The following BICDL1 variants were observed in gnomAD, a reference collection of about 807,000 sequenced individuals.
BICDL1 encodes BICD family like cargo adaptor 1.
A neutral mutation model predicts 76.8 loss-of-function variants in BICDL1; 20 were observed. That is an observed-to-expected ratio of 0.26 (90% CI 0.18 to 0.38). The LOEUF is 0.38. Ranked by LOEUF, BICDL1 falls within the 10% of genes least tolerant of loss-of-function variation. The pLI is 1.00. For missense variants in BICDL1, 700 were observed against 798.6 expected (o/e 0.88, Z 1.49); for synonymous variants, 383 against 337.1 (o/e 1.14, Z -1.49).
intron 4 of BICDL1, among the ~76,000 whole-genome samples, chr12:120,069,903 A>G (rs1332783876): frequency 2.0e-5 from 3 of 151,898 alleles, no homozygotes; most frequent in Admixed American, 2.0e-4. Context: ...CGTTTTATAG[A>G]CTCATGTATA....
In BICDL1 at chr12:120,057,818, CTTTTTTTTTTTTTTTTT is replaced by C. The variant is rs143777152; in HGVS notation, c.646-3878_646-3862del. ...TGCAAAAGGAGGCCAGCGATTCCTG[CTTTTTTTTTTTTTTTTT>C]TTTTTTTTTTTTTGAGACGGAGTCT... On this transcript the variant is annotated intron_variant, in intron 2 of 9. Coordinates refer to ENST00000548673, the MANE Select transcript of BICDL1 (RefSeq NM_001367886.1). Among the ~76,000 whole-genome samples the C allele has an allele frequency of 6.4e-5, 5 of 78,326 alleles. No individual in the cohort carries two copies. In the East Asian group the frequency reaches 2.1e-3, roughly 33 times the overall value. 51.4% of individuals were successfully genotyped at this position (78,326 alleles called of 152,430 possible).
intron 2 of BICDL1, among the ~76,000 whole-genome samples, chr12:120,008,274 T>A (rs1319635747): frequency 7.0e-6 from 1 of 142,892 alleles, no homozygotes; most frequent in South Asian, 2.4e-4. Flanking sequence ...TCCTCCCACC[T>A]CAGCCTCCCA....
At chr12:120,059,356 A>T (rs1015557093) in intron 2 of BICDL1, among the ~76,000 whole-genome samples, 12 of 151,768 alleles carry the variant, frequency 7.9e-5, no homozygotes, top group African/African-American at 2.7e-4. Flanking sequence ...TGCAACCTCC[A>T]CCTCCCGTGT....
At chr12:120,087,649 G>A (rs181585224) in intron 8 of BICDL1, among the ~76,000 whole-genome samples, 14 of 152,318 alleles carry the variant, frequency 9.2e-5, no homozygotes, top group African/African-American at 3.4e-4. Context: ...TGAAGGCAAG[G>A]GCTAAATAAT....
At chr12:120,016,356 A>G (rs1952060136) in intron 2 of BICDL1, among the ~76,000 whole-genome samples, 1 of 151,932 alleles carries the variant, frequency 6.6e-6, no homozygotes, top group Non-Finnish European at 1.5e-5. Context: ...ACATTCATGT[A>G]CAAGTCTTTG....
rs1179970052 is a variant in BICDL1 at position 120,045,748 on chromosome 12, A to G, written c.646-15962A>G. Among the ~76,000 whole-genome samples, 9 of 126,928 alleles carry G rather than the reference A, an allele frequency of 7.1e-5. No homozygotes were observed. In the South Asian group the frequency reaches 2.6e-3, roughly 36 times the overall value. The allele number at this position is 126,928 out of a possible 152,430, so 83.3% of individuals were successfully genotyped here. A position where few individuals can be genotyped will look rare whatever the true frequency, so the allele number is the denominator to read the frequency against. ...AACACATGGACATAGGAAGGGGAAC[A>G]TCACACTCTGGGGACTGTTGTGGGA... On this transcript the variant is annotated intron_variant, in intron 2 of 9. Transcript: ENST00000548673.
Position 120,074,463 on chromosome 12 carries a change from T to G in BICDL1, c.1329T>G (p.Asp443Glu). The G allele has an allele frequency of 8.1e-7, 1 of 1,237,042 alleles. No homozygotes were observed. Among genetic ancestry groups the G allele is most frequent in the Non-Finnish European group, 1.0e-6 (1 of 964,106 alleles). The allele number at this position is 1,237,042 out of a possible 1,614,324, so 76.6% of individuals were successfully genotyped here. A position where few individuals can be genotyped will look rare whatever the true frequency, so the allele number is the denominator to read the frequency against. Residue 443 changes from aspartate (D) to glutamate (E), a missense_variant, in exon 7 of 10, where the codon GAT becomes GAG. Transcript: ENST00000548673. ...MEPTGSRRLD[D>E]DSLEEQIRQT... ...GTCAGGGCTCCCGGAGACTTGATGA[T>G]GACTCCTTAGAAGAACAGATAAGGC...
chr12:120,056,694 G>C (rs1055297082), intron 2 of BICDL1, among the ~76,000 whole-genome samples: 1 of 152,066 alleles, frequency 6.6e-6, no homozygotes, highest in African/African-American at 2.4e-5. Context: ...TCCAGCCTGG[G>C]TGACAGAGCG....
intron 1 of BICDL1, among the ~76,000 whole-genome samples, chr12:119,995,722 C>CA: frequency 6.6e-6 from 1 of 152,304 alleles, no homozygotes; most frequent in African/African-American, 2.4e-5. Flanking sequence ...CACGGTGGCT[C>CA]ACGCCTGTAA....
At chr12:120,032,112 T>C (rs1159205859) in intron 2 of BICDL1, among the ~76,000 whole-genome samples, 1 of 152,126 alleles carries the variant, frequency 6.6e-6, no homozygotes, top group Non-Finnish European at 1.5e-5. Flanking sequence ...TACTTCCCAC[T>C]GTATCTTCCC....
chr12:120,053,531 G>T (rs111267108), intron 2 of BICDL1, among the ~76,000 whole-genome samples: 1 of 152,078 alleles, frequency 6.6e-6, no homozygotes, highest in African/African-American at 2.4e-5. Flanking sequence ...TGATTAAATG[G>T]TCCTTGCCTT....
At chr12:120,074,233 T>G (rs1873349990) in intron 6 of BICDL1, among the ~76,000 whole-genome samples, 1 of 127,110 alleles carries the variant, frequency 7.9e-6, no homozygotes, top group Non-Finnish European at 1.7e-5. Context: ...CTTGACCCCT[T>G]CTTCCTTCCA....
At chr12:120,027,704 T>C (rs957560040) in intron 2 of BICDL1, among the ~76,000 whole-genome samples, 31 of 152,252 alleles carry the variant, frequency 2.0e-4, no homozygotes, top group African/African-American at 5.8e-4. Context: ...GATGAAAATA[T>C]GACTTTTCTT....
At chr12:120,034,972 T>C (rs1952502812) in intron 2 of BICDL1, among the ~76,000 whole-genome samples, 1 of 152,234 alleles carries the variant, frequency 6.6e-6, no homozygotes, top group South Asian at 2.1e-4. Context: ...TAGCTCTTAG[T>C]ATAATTGTGT....
chr12:119,993,847 C>T (rs953150980), intron 1 of BICDL1, among the ~76,000 whole-genome samples: 2 of 152,140 alleles, frequency 1.3e-5, no homozygotes, highest in African/African-American at 4.8e-5. Flanking sequence ...AACTCCTGAC[C>T]TCAGGTGATC....
chr12:119,993,487 A>G (rs550915175), intron 1 of BICDL1: 1 of 152,274 alleles, frequency 6.6e-6, no homozygotes, highest in Non-Finnish European at 1.5e-5. Context: ...TTTTTTAGTT[A>G]TATGTCTCTT....
intron 7 of BICDL1, 91 bp downstream of exon 7, chr12:120,074,677 G>GAAA: frequency 1.1e-6 from 1 of 928,750 alleles, no homozygotes; most frequent in Non-Finnish European, 1.3e-6. Flanking sequence ...TCCCATTTCT[G>GAAA]TGTGAGAAGT....
In BICDL1 at chr12:119,989,952, C is replaced by T. The variant is rs759493312; in HGVS notation, c.84C>T (p.Ala28=). The change falls in exon 1 of 10, where the codon GCC becomes GCT. Residue 28 remains alanine (A), a synonymous_variant. Coordinates refer to ENST00000548673, the MANE Select transcript of BICDL1 (RefSeq NM_001367886.1). ...GCGCCTGCTGCATGGAGCTGCCCGC[C>T]GCGGCCGGGGACGCAGTCCGGAGTC... is the stretch of plus-strand genomic sequence containing the variant. ...PDSACCMELP[A]AAGDAVRSPA... 29 of 1,465,362 alleles carry T rather than the reference C, an allele frequency of 2.0e-5. No individual in the cohort carries two copies. Among genetic ancestry groups the T allele is most frequent in the East Asian group, 2.7e-5 (1 of 36,854 alleles). The allele number at this position is 1,465,362 out of a possible 1,614,324, so 90.8% of individuals were successfully genotyped here. A position where few individuals can be genotyped will look rare whatever the true frequency, so the allele number is the denominator to read the frequency against.
chr12:120,069,739 G>A (rs954231028), intron 4 of BICDL1, among the ~76,000 whole-genome samples: 1 of 152,002 alleles, frequency 6.6e-6, no homozygotes, highest in African/African-American at 2.4e-5. Flanking sequence ...AATCTTAAGG[G>A]GACAGCCCAA....
Sources: allele counts gnomAD v4.1 joint callset (sites outside exome capture counted in the v4.1 genomes callset), GRCh38; gene constraint gnomAD v4.1.1; transcripts MANE v1.5; gene names NCBI Gene and HGNC (gene_info 2026-07-23, HGNC 2026-07-21).